SFXN1: variants seen among roughly 807,000 people sequenced by gnomAD.
SFXN1 encodes the protein sideroflexin-1.
Under a neutral mutation model 39.5 loss-of-function variants are expected in SFXN1, and 32 were observed. The observed-to-expected ratio is 0.81, with a 90% CI of 0.61 to 1.09. The LOEUF (loss-of-function observed/expected upper bound fraction) is 1.09, where lower values mean the gene tolerates loss of function less well. SFXN1 is among the 50% of genes least tolerant of loss of function. SFXN1 has a pLI of 0.00. For synonymous variants in SFXN1, 136 were observed against 146.5 expected, an observed-to-expected ratio of 0.93 and a Z score of 0.52; for missense variants, 402 against 407.1, an observed-to-expected ratio of 0.99 and a Z score of 0.11.
intron 1 of SFXN1, among the ~76,000 whole-genome samples, chr5:175,482,282 A>G (rs1759283550): frequency 6.6e-6 from 1 of 152,220 alleles, no homozygotes; most frequent in African/African-American, 2.4e-5. Flanking sequence ...GTTTTGACCA[A>G]CAGCTTTCCA....
rs561787364 is a variant in SFXN1, at chr5:175,517,047, G to A, written c.774+384G>A. Among the ~76,000 whole-genome samples the A allele has an allele frequency of 9.8e-5, 15 of 152,296 alleles. No homozygotes were observed. The South Asian group carries it at 2.9e-3, about 29-fold the overall frequency. On this transcript the variant is annotated intron_variant, in intron 8 of 10. Coordinates refer to ENST00000321442, the MANE Select transcript of SFXN1 (RefSeq NM_022754.7). ...TGGGGTCTCAGTTTGGGAACAGTTA[G>A]CACAGTTCCTCTCATCTCAGTGACA...
chr5:175,508,645 A>T (rs1172265413), intron 2 of SFXN1, among the ~76,000 whole-genome samples: 2 of 149,192 alleles, frequency 1.3e-5, no homozygotes, highest in African/African-American at 4.9e-5. Flanking sequence ...GTGAGCATAA[A>T]TTTTTTTTTT....
intron 1 of SFXN1, 49 bp from the exon 2 acceptor site, chr5:175,492,046 T>A: frequency 7.0e-7 from 1 of 1,429,548 alleles, no homozygotes; most frequent in Non-Finnish European, 9.5e-7. Flanking sequence ...TCTAAATACG[T>A]AGTGACATTG....
chr5:175,489,058 C>T (rs1759558853), intron 1 of SFXN1, among the ~76,000 whole-genome samples: 1 of 152,048 alleles, frequency 6.6e-6, no homozygotes, highest in Non-Finnish European at 1.5e-5. Flanking sequence ...AAGAGTCTGT[C>T]GTGTAGTAAG....
rs1198923148 is a variant in SFXN1, at chr5:175,526,782, G to A, written c.*48G>A. On this transcript the variant is annotated 3_prime_UTR_variant, in exon 11 of 11. Coordinates refer to ENST00000321442, the MANE Select transcript of SFXN1 (RefSeq NM_022754.7). Reference sequence around the variant, plus strand: ...CTCATTCTGCCACTGCAAAGCTGGTGTAGCCATGCTGGTGAGAAAAATCCT... The same window carrying A: ...CTCATTCTGCCACTGCAAAGCTGGTATAGCCATGCTGGTGAGAAAAATCCT... 2 of 1,493,092 alleles carry A rather than the reference G, an allele frequency of 1.3e-6. No homozygotes were observed. The highest frequency in any genetic ancestry group is 1.1e-5 in the South Asian group (1 of 88,204). The allele number at this position is 1,493,092 out of a possible 1,614,324, so 92.5% of individuals were successfully genotyped here. A position where few individuals can be genotyped will look rare whatever the true frequency, so the allele number is the denominator to read the frequency against.
chr5:175,480,081 C>T (rs1759174043), intron 1 of SFXN1, among the ~76,000 whole-genome samples: 1 of 152,188 alleles, frequency 6.6e-6, no homozygotes, highest in Non-Finnish European at 1.5e-5. Context: ...CTCTCCTCAG[C>T]ACTGAGCAGG....
intron 2 of SFXN1, among the ~76,000 whole-genome samples, chr5:175,502,120 T>C (rs910491494): frequency 6.6e-6 from 1 of 152,162 alleles, no homozygotes; most frequent in African/African-American, 2.4e-5. Flanking sequence ...TGGGCCAGAT[T>C]ACTGGTCTGG....
intron 1 of SFXN1, among the ~76,000 whole-genome samples, chr5:175,482,895 G>A (rs543358040): frequency 9.9e-5 from 15 of 152,256 alleles, no homozygotes; most frequent in African/African-American, 3.4e-4. Context: ...AGGGCGGGGG[G>A]CCTCCATCAG....
chr5:175,479,327 G>A (rs547191516), intron 1 of SFXN1, among the ~76,000 whole-genome samples: 2 of 152,282 alleles, frequency 1.3e-5, no homozygotes, highest in African/African-American at 4.8e-5. Flanking sequence ...CCGGCCCTGC[G>A]AGGTACTGGG....
chr5:175,526,140 T>G lies in SFXN1; in HGVS notation c.873-498T>G, dbSNP rs1218498740. ...AATGTTTTGGTTTTTTTTTTTTTTT[T>G]GTACATTTTAGTATTTTTTGAAATT... On this transcript the variant is annotated intron_variant, in intron 10 of 10. Transcript: ENST00000321442. Among the ~76,000 whole-genome samples the G allele has an allele frequency of 7.4e-5, 10 of 134,378 alleles. No homozygotes were observed. In the East Asian group the frequency reaches 2.2e-3, roughly 29 times the overall value. 88.2% of individuals were successfully genotyped at this position (134,378 alleles called of 152,430 possible). A position where few individuals can be genotyped will look rare whatever the true frequency, so the allele number is the denominator to read the frequency against.
At chr5:175,517,150 C>G (rs912540544) in intron 8 of SFXN1, among the ~76,000 whole-genome samples, 2 of 152,100 alleles carry the variant, frequency 1.3e-5, no homozygotes, top group Non-Finnish European at 2.9e-5. Flanking sequence ...GTAGATGTAC[C>G]CTGGCATTTT....
At chr5:175,516,861 C>T (rs1385694770) in intron 8 of SFXN1, among the ~76,000 whole-genome samples, 198 bp downstream of exon 8, 1 of 152,194 alleles carries the variant, frequency 6.6e-6, no homozygotes, top group Admixed American at 6.5e-5. Flanking sequence ...TAAATAAAGA[C>T]TGCCACTATT....
chr5:175,510,543 G>A (rs1028774315), intron 4 of SFXN1, among the ~76,000 whole-genome samples: 3 of 152,154 alleles, frequency 2.0e-5, no homozygotes, highest in Non-Finnish European at 4.4e-5. Context: ...ATAAGTGACA[G>A]GCTGTTCCGC....
At chr5:175,524,323 C>T (rs1337050813) in intron 10 of SFXN1, among the ~76,000 whole-genome samples, 2 of 151,262 alleles carry the variant, frequency 1.3e-5, no homozygotes, top group Non-Finnish European at 2.9e-5. Flanking sequence ...AAGGGTGTCA[C>T]ACTGTCATAA....
chr5:175,485,062 T>G (rs115052267), intron 1 of SFXN1, among the ~76,000 whole-genome samples: 2,934 of 152,276 alleles, frequency 0.019, 86 homozygotes, highest in African/African-American at 0.066. Context: ...GTTATCTGAT[T>G]TGAGATCAGC....
At position 175,522,411 on chromosome 5, in the gene SFXN1, T is replaced by G; in HGVS notation, c.861T>G (p.Phe287Leu). ...VFATPLCCAL[F>L]PQKSSMSVTS... Reference sequence around the variant, plus strand: ...CTACACCCCTGTGTTGTGCCCTGTTTCCTCAGAAAAGGTATGTATTTGTTA... The same window carrying G: ...CTACACCCCTGTGTTGTGCCCTGTTGCCTCAGAAAAGGTATGTATTTGTTA... Residue 287 changes from phenylalanine (F) to leucine (L), a missense_variant, in exon 10 of 11, where the codon TTT becomes TTG. Coordinates refer to ENST00000321442, the MANE Select transcript of SFXN1 (RefSeq NM_022754.7). 1 of 1,612,284 alleles carries G rather than the reference T, an allele frequency of 6.2e-7. No homozygotes were observed. The highest frequency in any genetic ancestry group is 8.5e-7 in the Non-Finnish European group (1 of 1,179,714).
Position 175,528,798 on chromosome 5 carries a change from T to C in SFXN1, c.*2064T>C, listed in dbSNP as rs1040508747. ...GATTCTGTTGTCCTCGACGCGTCTC[T>C]TTATAAAGTGGTAAAAGCCTGAAAT... is the stretch of plus-strand genomic sequence containing the variant. On this transcript the variant is annotated 3_prime_UTR_variant, in exon 11 of 11. Transcript: ENST00000321442. 1 of 152,150 alleles carries C rather than the reference T, an allele frequency of 6.6e-6. No homozygotes were observed. The highest frequency in any genetic ancestry group is 1.5e-5 in the Non-Finnish European group (1 of 68,018). 9.4% of individuals were successfully genotyped at this position (152,150 alleles called of 1,614,324 possible).
intron 1 of SFXN1, among the ~76,000 whole-genome samples, chr5:175,488,812 G>C (rs989428958): frequency 6.6e-6 from 1 of 152,178 alleles, no homozygotes; most frequent in African/African-American, 2.4e-5. Context: ...GGGAGGATCA[G>C]CTGAGCCCAG....
intron 2 of SFXN1, among the ~76,000 whole-genome samples, chr5:175,498,956 A>G (rs1291374217): frequency 6.6e-6 from 1 of 152,180 alleles, no homozygotes; most frequent in African/African-American, 2.4e-5. Flanking sequence ...ATTTTTTCAC[A>G]GGAAGAATAT....
Sources: allele counts gnomAD v4.1 joint callset (sites outside exome capture counted in the v4.1 genomes callset), GRCh38; gene constraint gnomAD v4.1.1; transcripts MANE v1.5; gene names NCBI Gene and HGNC (gene_info 2026-07-23, HGNC 2026-07-21).